Variants in PCDHGA12 observed in about 807,000 individuals in gnomAD.
PCDHGA12 encodes protocadherin gamma subfamily A, 12, also known as protocadherin gamma-A12.
A neutral mutation model predicts 61.1 loss-of-function variants in PCDHGA12; 43 were observed. That is an observed-to-expected ratio of 0.70 (90% CI 0.55 to 0.91). The LOEUF (loss-of-function observed/expected upper bound fraction) is 0.91, where lower values mean the gene tolerates loss of function less well. Ranked by LOEUF, PCDHGA12 falls within the 40% of genes least tolerant of loss-of-function variation. The probability of loss-of-function intolerance (pLI) is 0.00; values close to 1 mark genes in which losing one functional copy is unlikely to be tolerated. For missense variants in PCDHGA12, 1,236 were observed against 1,227.7 expected, an observed-to-expected ratio of 1.01 and a Z score of -0.10; for synonymous variants, 520 against 542.9, an observed-to-expected ratio of 0.96 and a Z score of 0.59.
At chr5:141,456,364 G>A (rs778916049) in intron 1 of PCDHGA12, among the ~76,000 whole-genome samples, 2 of 152,258 alleles carry the variant, frequency 1.3e-5, no homozygotes, top group Admixed American at 6.5e-5. Flanking sequence ...TCCATGTGTG[G>A]TTCAGTTTAC....
At chr5:141,466,545 T>C (rs2099124777) in intron 1 of PCDHGA12, among the ~76,000 whole-genome samples, 1 of 152,216 alleles carries the variant, frequency 6.6e-6, no homozygotes. Flanking sequence ...AGATGGTCTT[T>C]TGCTGTGGGC....
intron 1 of PCDHGA12, among the ~76,000 whole-genome samples, chr5:141,464,702 G>T (rs934638404): frequency 1.3e-5 from 2 of 151,942 alleles, no homozygotes; most frequent in African/African-American, 2.4e-5. Context: ...TATGAATGAG[G>T]TTAAATAGTT....
intron 1 of PCDHGA12, chr5:141,478,331 G>C: frequency 6.2e-7 from 1 of 1,613,956 alleles, no homozygotes; most frequent in Non-Finnish European, 8.5e-7. Context: ...CCGAACACCA[G>C]GGCCCTCCTT....
rs762910422 is a variant in PCDHGA12, at chr5:141,485,747, C to T, written c.2425-9060C>T. ...GAAGCGCAGCGACGGCAGCCTGGTCCCAGAGCTGCTCCTGGAGAAGCCTTT... is the reference window on the plus strand; with the variant it reads ...GAAGCGCAGCGACGGCAGCCTGGTCTCAGAGCTGCTCCTGGAGAAGCCTTT... On this transcript the variant is annotated intron_variant, in intron 1 of 3. Coordinates refer to ENST00000252085, the MANE Select transcript of PCDHGA12 (RefSeq NM_003735.3). This position sits in a 1 kb window ranked among gnomAD's most constrained non-coding sequence, Gnocchi z 5.7. 1 of 1,614,162 alleles carries T rather than the reference C, an allele frequency of 6.2e-7. No individual in the cohort carries two copies.
Position 141,476,870 on chromosome 5 carries a change from C to T in PCDHGA12, c.2425-17937C>T, listed in dbSNP as rs2099400432. 3 of 1,613,772 alleles carry T rather than the reference C, an allele frequency of 1.9e-6. No individual in the cohort carries two copies. Among genetic ancestry groups the T allele is most frequent in the South Asian group, 1.1e-5 (1 of 91,094 alleles). On this transcript the variant is annotated intron_variant, in intron 1 of 3. Coordinates refer to ENST00000252085, the MANE Select transcript of PCDHGA12 (RefSeq NM_003735.3). The surrounding 1 kb of genome is among the most constrained non-coding windows in gnomAD (Gnocchi z 7.6). ...CTTCAACCAGTCCTTGTACCGGGCGCGCGTCCTGGAGGATGCACCCTCCGG... is the reference window on the plus strand; with the variant it reads ...CTTCAACCAGTCCTTGTACCGGGCGTGCGTCCTGGAGGATGCACCCTCCGG...
chr5:141,455,627 A>G (rs1426625737), intron 1 of PCDHGA12, among the ~76,000 whole-genome samples: 2 of 152,104 alleles, frequency 1.3e-5, no homozygotes, highest in East Asian at 3.9e-4. Context: ...ACACGTGGAG[A>G]TATGTGGGGG....
At chr5:141,459,375 C>T (rs973503237) in intron 1 of PCDHGA12, among the ~76,000 whole-genome samples, 2 of 152,194 alleles carry the variant, frequency 1.3e-5, no homozygotes, top group African/African-American at 4.8e-5. Flanking sequence ...GTATCAGCAG[C>T]GTGTTCCATT....
rs146919978 is a variant in PCDHGA12, at chr5:141,489,268, G to A, written c.2425-5539G>A. 1,443 of 1,553,166 alleles carry A rather than the reference G, an allele frequency of 9.3e-4. 2 individuals are homozygous for A. The highest frequency in any genetic ancestry group is 1.2e-3 in the Non-Finnish European group (1,381 of 1,149,786). On this transcript the variant is annotated intron_variant, in intron 1 of 3. Transcript: ENST00000252085. The surrounding 1 kb of genome is among the most constrained non-coding windows in gnomAD (Gnocchi z 4.5). ...GGGGCCCAAGACACTCCCACAGCTCGCTGGGAAATGGCAAGTGCTGTGCAT... is the reference window on the plus strand; with the variant it reads ...GGGGCCCAAGACACTCCCACAGCTCACTGGGAAATGGCAAGTGCTGTGCAT...
At chr5:141,483,224 G>A (rs530779494) in intron 1 of PCDHGA12, among the ~76,000 whole-genome samples, 17 of 152,242 alleles carry the variant, frequency 1.1e-4, no homozygotes, top group Middle Eastern at 3.4e-3. Flanking sequence ...AGTCACTGCA[G>A]AAATTTGAAC....
intron 1 of PCDHGA12, among the ~76,000 whole-genome samples, chr5:141,472,980 CAAAAA>C (rs60579131): frequency 1.2e-5 from 1 of 86,106 alleles, no homozygotes; most frequent in African/African-American, 3.9e-5. Flanking sequence ...GAGTGAAACT[CAAAAA>C]AAAAAAAAAA....
intron 2 of PCDHGA12, among the ~76,000 whole-genome samples, chr5:141,500,877 AT>A (rs369345007): frequency 5.2e-4 from 64 of 122,250 alleles, no homozygotes; most frequent in Admixed American, 1.0e-3. Context: ...TTCATTTACA[AT>A]TTTTTTTTTT....
In PCDHGA12 at chr5:141,512,859, CAT is replaced by C. The variant is rs1474518602; in HGVS notation, c.*1688_*1689del. 6.6e-6 allele frequency: 1 copy of C among 152,296 alleles called. No homozygotes were observed. The highest frequency in any genetic ancestry group is 1.9e-4 in the East Asian group (1 of 5,200). The allele number at this position is 152,296 out of a possible 1,614,324, so 9.4% of individuals were successfully genotyped here. A position where few individuals can be genotyped will look rare whatever the true frequency, so the allele number is the denominator to read the frequency against. On this transcript the variant is annotated 3_prime_UTR_variant, in exon 4 of 4. Transcript: ENST00000252085. ...CTTCTCCTATAAGCGCTTCTCTTCG[CAT>C]AGTCACGTAGCTCCCACCCCACCCT... is the stretch of plus-strand genomic sequence containing the variant.
rs2099623095 is a variant in PCDHGA12 at position 141,486,025 on chromosome 5, T to C, written c.2425-8782T>C. 1 of 1,613,958 alleles carries C rather than the reference T, an allele frequency of 6.2e-7. No individual in the cohort carries two copies. The highest frequency in any genetic ancestry group is 8.5e-7 in the Non-Finnish European group (1 of 1,179,932). The stretch of plus-strand genomic sequence containing the variant: ...ACGTCACCTTTTATTTCAGTGGTCA[T>C]ACCCCTGATCGTGTAAGAAACCTCT... On this transcript the variant is annotated intron_variant, in intron 1 of 3. Transcript: ENST00000252085. The surrounding 1 kb of genome is among the most constrained non-coding windows in gnomAD (Gnocchi z 5.0).
At position 141,432,143 on chromosome 5, in the gene PCDHGA12, C is replaced by A; in HGVS notation, c.1384C>A (p.Pro462Thr). The A allele has an allele frequency of 6.2e-7, 1 of 1,614,084 alleles. No homozygotes were observed. Among genetic ancestry groups the A allele is most frequent in the South Asian group, 1.1e-5 (1 of 91,068 alleles). Residue 462 changes from proline to threonine, a missense_variant, in exon 1 of 4, where the codon CCA (proline) becomes ACA (threonine). Pro to Thr is a conservative substitution (Grantham distance 38). Transcript: ENST00000252085. The surrounding 1 kb of genome is among the most constrained non-coding windows in gnomAD (Gnocchi z 6.0). Reference protein sequence around the residue: ...FPQASYSAYIPENNPRGVSLV... With the variant: ...FPQASYSAYITENNPRGVSLV... ...TCAGGCCTCCTATTCCGCTTATATC[C>A]CAGAGAACAATCCCAGAGGAGTTTC... is the stretch of plus-strand genomic sequence containing the variant.
rs2099615817 is a variant in PCDHGA12 at position 141,485,564 on chromosome 5, C to G, written c.2425-9243C>G. On this transcript the variant is annotated intron_variant, in intron 1 of 3. Coordinates refer to ENST00000252085, the MANE Select transcript of PCDHGA12 (RefSeq NM_003735.3). This position sits in a 1 kb window ranked among gnomAD's most constrained non-coding sequence, Gnocchi z 5.7. ...GATCGTAGATGTGAATGATCACGCCCCCCGTTTTCCGCGGCAGCAGCTGGA... is the reference window on the plus strand; with the variant it reads ...GATCGTAGATGTGAATGATCACGCCGCCCGTTTTCCGCGGCAGCAGCTGGA... 6.2e-7 allele frequency: 1 copy of G among 1,612,958 alleles called. No individual in the cohort carries two copies. The highest frequency in any genetic ancestry group is 8.5e-7 in the Non-Finnish European group (1 of 1,179,052).
At chr5:141,444,876 G>A (rs921183358) in intron 1 of PCDHGA12, among the ~76,000 whole-genome samples, 1 of 152,186 alleles carries the variant, frequency 6.6e-6, no homozygotes, top group African/African-American at 2.4e-5. Flanking sequence ...GACAAAGCTT[G>A]TAGGATTTTT....
intron 3 of PCDHGA12, among the ~76,000 whole-genome samples, chr5:141,507,809 C>T (rs866898784): frequency 2.0e-5 from 3 of 152,206 alleles, no homozygotes; most frequent in Non-Finnish European, 2.9e-5. Flanking sequence ...CCCTGGGGAA[C>T]GGACCCTGGG....
At chr5:141,465,323 G>A (rs757662972) in intron 1 of PCDHGA12, among the ~76,000 whole-genome samples, 1 of 152,138 alleles carries the variant, frequency 6.6e-6, no homozygotes, top group Non-Finnish European at 1.5e-5. Flanking sequence ...TGTCAATGCA[G>A]TATTTTTTAT....
chr5:141,476,016 G>A lies in PCDHGA12; in HGVS notation c.2425-18791G>A. 7.4e-7 allele frequency: 1 copy of A among 1,359,386 alleles called. No individual in the cohort carries two copies. 84.2% of individuals were successfully genotyped at this position (1,359,386 alleles called of 1,614,324 possible). A position where few individuals can be genotyped will look rare whatever the true frequency, so the allele number is the denominator to read the frequency against. On this transcript the variant is annotated intron_variant, in intron 1 of 3. Coordinates refer to ENST00000252085, the MANE Select transcript of PCDHGA12 (RefSeq NM_003735.3). This position sits in a 1 kb window ranked among gnomAD's most constrained non-coding sequence, Gnocchi z 7.6. ...TCAACGGCATCCAGAAAGCCATGTC[G>A]GACTCGGCGCCCAGCGCCCAAGCGC...
Sources: gnomAD v4.1 joint callset for allele counts (sites outside exome capture counted in the v4.1 genomes callset) on GRCh38, gnomAD v4.1.1 for gene constraint, Gnocchi (gnomAD v3.1) non-coding constraint, MANE v1.5 for transcripts, NCBI Gene and HGNC (gene_info 2026-07-23, HGNC 2026-07-21) for gene names.